The following TACC2 variants were observed in gnomAD, a reference collection of about 807,000 sequenced individuals.
The protein encoded by TACC2 is transforming acidic coiled-coil containing protein 2, also known as transforming acidic coiled-coil-containing protein 2.
TACC2 carries 137 observed loss-of-function variants against 227.3 expected under a neutral mutation model. The ratio of observed to expected loss-of-function variants is 0.60; its 90% CI spans 0.52 to 0.69. The LOEUF (loss-of-function observed/expected upper bound fraction) is 0.69, where lower values mean the gene tolerates loss of function less well. Among genes scored for constraint, TACC2 ranks in the 30% least tolerant of loss-of-function variants. The probability of loss-of-function intolerance (pLI) is 0.00; values close to 1 mark genes in which losing one functional copy is unlikely to be tolerated. For synonymous variants in TACC2, 1,523 were observed against 1,487.5 expected (o/e 1.02, Z -0.55); for missense variants, 3,470 against 3,694.4 (o/e 0.94, Z 1.57).
At chr10:122,225,015 C>T (rs181022384) in intron 12 of TACC2, among the ~76,000 whole-genome samples, 15 of 150,598 alleles carry the variant, frequency 1.0e-4, no homozygotes, top group South Asian at 6.3e-4. Context: ...TACAATTAGA[C>T]GTCCTGCAGA....
At chr10:122,010,607 C>T (rs1432021635) in intron 1 of TACC2, among the ~76,000 whole-genome samples, 1 of 152,138 alleles carries the variant, frequency 6.6e-6, no homozygotes, top group Non-Finnish European at 1.5e-5. Flanking sequence ...CTGGTGGCTG[C>T]CACTCAAGGG....
At position 122,084,002 on chromosome 10, in the gene TACC2, T is replaced by G. The variant is rs2079825109; in HGVS notation, c.1502T>G (p.Leu501Trp). 6.2e-7 allele frequency: 1 copy of G among 1,613,802 alleles called. No homozygotes were observed. Among genetic ancestry groups the G allele is most frequent in the Non-Finnish European group, 8.5e-7 (1 of 1,179,984 alleles). ...TCACCCCAGGAGAGGGGAGAGCACTTGAACACGGAGCAAAGCCATGAGGTC... is the reference window on the plus strand; with the variant it reads ...TCACCCCAGGAGAGGGGAGAGCACTGGAACACGGAGCAAAGCCATGAGGTC... Reference protein sequence around the residue: ...APSPQERGEHLNTEQSHEVQP... With the variant: ...APSPQERGEHWNTEQSHEVQP... The change falls in exon 4 of 23, where the codon TTG becomes TGG. Residue 501 changes from leucine (L) to tryptophan (W), a missense_variant. Transcript: ENST00000369005.
At chr10:122,075,317 A>G (rs999334014) in intron 3 of TACC2, among the ~76,000 whole-genome samples, 3 of 151,686 alleles carry the variant, frequency 2.0e-5, no homozygotes, top group African/African-American at 7.3e-5. Context: ...CCCAAGCTGC[A>G]TCAGTGCAGG....
At chr10:122,035,387 G>A (rs74158483) in intron 2 of TACC2, among the ~76,000 whole-genome samples, 7,410 of 152,262 alleles carry the variant, frequency 0.049, 232 homozygotes, top group East Asian at 0.15. Flanking sequence ...AAGCAAGTGA[G>A]TAAACAGACA....
At chr10:122,186,525 A>G (rs997502289) in intron 7 of TACC2, among the ~76,000 whole-genome samples, 1 of 151,882 alleles carries the variant, frequency 6.6e-6, no homozygotes, top group African/African-American at 2.4e-5. Context: ...TTATTTATTT[A>G]TTTTTTGAAA....
intron 3 of TACC2, among the ~76,000 whole-genome samples, chr10:122,078,282 C>T (rs986846239): frequency 6.7e-6 from 1 of 150,000 alleles, no homozygotes; most frequent in East Asian, 2.0e-4. Context: ...TCTATCTTTA[C>T]GGCTTTGCTT....
chr10:122,240,511 G>T (rs568780191), intron 18 of TACC2, among the ~76,000 whole-genome samples: 4 of 152,182 alleles, frequency 2.6e-5, no homozygotes, highest in African/African-American at 9.6e-5. Context: ...TACCCTTATT[G>T]AATTTCCCAT....
chr10:122,117,683 C>T (rs1291483436), intron 5 of TACC2, among the ~76,000 whole-genome samples: 3 of 152,156 alleles, frequency 2.0e-5, no homozygotes, highest in South Asian at 2.1e-4. Flanking sequence ...GTTGTGTCCA[C>T]GCTTGGTCCT....
chr10:122,249,472 G>A (rs974352986), intron 21 of TACC2, 72 bp from the exon 22 acceptor site: 2 of 1,573,078 alleles, frequency 1.3e-6, no homozygotes, highest in Non-Finnish European at 1.7e-6. Flanking sequence ...CTCCCTGCCT[G>A]GACCTGGGAA....
chr10:122,209,799 C>T lies in TACC2; in HGVS notation c.5972-598C>T, dbSNP rs1365304790. On this transcript the variant is annotated intron_variant, in intron 8 of 22. Coordinates refer to ENST00000369005, the MANE Select transcript of TACC2 (RefSeq NM_206862.4). This position sits in a 1 kb window ranked among gnomAD's most constrained non-coding sequence, Gnocchi z 4.5. Reference sequence around the variant, plus strand: ...CTGGCTCCCAGGCTCAAGCGATTCTCCTGCCTCAGGCTCCGGAATAGCTGG... The same window carrying T: ...CTGGCTCCCAGGCTCAAGCGATTCTTCTGCCTCAGGCTCCGGAATAGCTGG... 2 of 155,760 alleles carry T rather than the reference C, an allele frequency of 1.3e-5. No homozygotes were observed. Among genetic ancestry groups the T allele is most frequent in the African/African-American group, 4.8e-5 (2 of 41,460 alleles). The allele number at this position is 155,760 out of a possible 1,614,324, so 9.6% of individuals were successfully genotyped here.
At chr10:122,026,769 C>T (rs1958083389) in intron 2 of TACC2, among the ~76,000 whole-genome samples, 1 of 149,098 alleles carries the variant, frequency 6.7e-6, no homozygotes, top group Non-Finnish European at 1.5e-5. Context: ...TCAGTAATGT[C>T]CATTTAAGGT....
chr10:122,010,444 T>G (rs1298230376), intron 1 of TACC2, among the ~76,000 whole-genome samples: 2 of 152,208 alleles, frequency 1.3e-5, no homozygotes, highest in Non-Finnish European at 2.9e-5. Context: ...TGTCATCAAA[T>G]ATCTGGTTTA....
At chr10:122,192,343 T>C (rs1466916782) in intron 7 of TACC2, 7 of 251,526 alleles carry the variant, frequency 2.8e-5, no homozygotes, top group Non-Finnish European at 2.4e-5. Flanking sequence ...GGAGAACTCA[T>C]TGGAATTCAG....
chr10:122,163,419 A>T, intron 7 of TACC2: 1 of 284,098 alleles, frequency 3.5e-6, no homozygotes, highest in Non-Finnish European at 5.3e-6. Flanking sequence ...TTTCAAAGCT[A>T]CACAATGCGG....
intron 3 of TACC2, among the ~76,000 whole-genome samples, chr10:122,073,395 G>T (rs1419339929): frequency 6.6e-6 from 1 of 152,062 alleles, no homozygotes; most frequent in Non-Finnish European, 1.5e-5. Flanking sequence ...AGACACAAAA[G>T]AGCAGTTCAC....
At chr10:122,010,270 T>A (rs899339186) in intron 1 of TACC2, among the ~76,000 whole-genome samples, 1 of 152,236 alleles carries the variant, frequency 6.6e-6, no homozygotes, top group Non-Finnish European at 1.5e-5. Flanking sequence ...CTGTATTTGA[T>A]ATCCAAAAAT....
At chr10:122,022,102 C>A in intron 2 of TACC2, 88 bp downstream of exon 2, 1 of 1,344,374 alleles carries the variant, frequency 7.4e-7, no homozygotes, top group Non-Finnish European at 1.1e-6. Flanking sequence ...CATCTTCACC[C>A]AGGAAGGAGC....
At chr10:122,108,197 A>G (rs2083114800) in intron 5 of TACC2, among the ~76,000 whole-genome samples, 1 of 151,794 alleles carries the variant, frequency 6.6e-6, no homozygotes, top group Admixed American at 6.6e-5. Flanking sequence ...GGCCAATTAT[A>G]TAATTCTTAT....
Position 122,083,712 on chromosome 10 carries a change from C to T in TACC2, c.1212C>T (p.Ser404=), listed in dbSNP as rs1330888994. The change falls in exon 4 of 23, where the codon AGC becomes AGT. Residue 404 remains serine (S), a synonymous_variant. Transcript: ENST00000369005. ...AGCCCGAAGGGGGTTTGCCTGTGAG[C>T]CCTGAACCTTCCCTGCTCACTCCGA... ...GGQPEGGLPV[S]PEPSLLTPTE... 1 of 1,613,732 alleles carries T rather than the reference C, an allele frequency of 6.2e-7. No homozygotes were observed. Among genetic ancestry groups the T allele is most frequent in the South Asian group, 1.1e-5 (1 of 91,090 alleles).
Sources: gnomAD v4.1 joint callset for allele counts (sites outside exome capture counted in the v4.1 genomes callset) on GRCh38, gnomAD v4.1.1 for gene constraint, Gnocchi (gnomAD v3.1) non-coding constraint, MANE v1.5 for transcripts, NCBI Gene and HGNC (gene_info 2026-07-23, HGNC 2026-07-21) for gene names.